TMEM233: variants seen among roughly 807,000 people sequenced by gnomAD.
TMEM233 encodes transmembrane protein 233.
A neutral mutation model predicts 11.2 loss-of-function variants in TMEM233; 6 were observed. That is an observed-to-expected ratio of 0.54 (90% CI 0.29 to 1.06). The LOEUF (loss-of-function observed/expected upper bound fraction) is 1.06, where lower values mean the gene tolerates loss of function less well. TMEM233 is among the 50% of genes least tolerant of loss of function. The pLI, the probability that TMEM233 is intolerant of heterozygous loss-of-function variation, is 0.08. For missense variants in TMEM233, 127 were observed against 144.7 expected, an observed-to-expected ratio of 0.88 and a Z score of 0.63; for synonymous variants, 59 against 55.8, an observed-to-expected ratio of 1.06 and a Z score of -0.26.
At chr12:119,597,731 G>A (rs10774503) in intron 1 of TMEM233, among the ~76,000 whole-genome samples, 51,954 of 152,004 alleles carry the variant, frequency 0.34, 9,440 homozygotes, top group African/African-American at 0.41. Flanking sequence ...AGTCCAACAT[G>A]TCATGTGGTA....
chr12:119,626,247 G>A (rs1376204322), intron 1 of TMEM233, among the ~76,000 whole-genome samples: 1 of 152,096 alleles, frequency 6.6e-6, no homozygotes, highest in Non-Finnish European at 1.5e-5. Flanking sequence ...CGAGGCAAGT[G>A]GATTGCTTGA....
intron 1 of TMEM233, among the ~76,000 whole-genome samples, chr12:119,603,960 A>G (rs1268290002): frequency 6.6e-6 from 1 of 152,220 alleles, no homozygotes; most frequent in African/African-American, 2.4e-5. Context: ...GCCAAGGGTC[A>G]CTGAGAGGTT....
At chr12:119,609,481 G>A (rs1016442931) in intron 1 of TMEM233, among the ~76,000 whole-genome samples, 1 of 152,212 alleles carries the variant, frequency 6.6e-6, no homozygotes, top group African/African-American at 2.4e-5. Context: ...AATGTCTCCA[G>A]GGCATATCAG....
Position 119,619,944 on chromosome 12 carries a change from G to A in TMEM233, c.187-9792G>A, listed in dbSNP as rs12319664. On this transcript the variant is annotated intron_variant, in intron 1 of 2. Coordinates refer to ENST00000426426, the MANE Select transcript of TMEM233 (RefSeq NM_001136534.3). Reference sequence around the variant, plus strand: ...ACAGCTCAGTAAGAAAACACAAACCGACAGAAAACTAGACAAAGGGTATGG... The same window carrying A: ...ACAGCTCAGTAAGAAAACACAAACCAACAGAAAACTAGACAAAGGGTATGG... Among the ~76,000 whole-genome samples the A allele has an allele frequency of 9.5e-3, 1,450 of 152,188 alleles. 31 individuals are homozygous for A. Among genetic ancestry groups the A allele is most frequent in the African/African-American group, 0.034 (1,391 of 41,508 alleles).
At chr12:119,609,262 CT>C (rs1483751819) in intron 1 of TMEM233, among the ~76,000 whole-genome samples, 7 of 152,130 alleles carry the variant, frequency 4.6e-5, no homozygotes, top group Non-Finnish European at 1.0e-4. Flanking sequence ...GAACTTTGAA[CT>C]TGAGAGAGAT....
At chr12:119,626,893 C>T (rs779186322) in intron 1 of TMEM233, among the ~76,000 whole-genome samples, 2 of 152,246 alleles carry the variant, frequency 1.3e-5, no homozygotes, top group Non-Finnish European at 2.9e-5. Flanking sequence ...ATGTGCCAGA[C>T]ACCACTCTAA....
the TMEM233 span, among the ~76,000 whole-genome samples, chr12:119,650,114 C>A: frequency 6.6e-6 from 1 of 150,448 alleles, no homozygotes; most frequent in African/African-American, 2.5e-5. Flanking sequence ...GCAGAGATGG[C>A]GCCACTGCAC....
intron 1 of TMEM233, among the ~76,000 whole-genome samples, chr12:119,607,850 C>T (rs1354656229): frequency 2.0e-5 from 3 of 152,002 alleles, no homozygotes; most frequent in Non-Finnish European, 2.9e-5. Flanking sequence ...CCTCTCAAAG[C>T]GCAGGGATTA....
Position 119,595,560 on chromosome 12 carries a change from A to G in TMEM233, c.186+1526A>G, listed in dbSNP as rs1954026834. The stretch of plus-strand genomic sequence containing the variant: ...AATTCTCCCACTTTCTAGCTGTGTG[A>G]TCTCTGAAGTCACTGCATCTCTGAA... On this transcript the variant is annotated intron_variant, in intron 1 of 2. Coordinates refer to ENST00000426426, the MANE Select transcript of TMEM233 (RefSeq NM_001136534.3). This position sits in a 1 kb window ranked among gnomAD's most constrained non-coding sequence, Gnocchi z 4.3. 6.6e-6 allele frequency among the ~76,000 whole-genome samples: 1 copy of G among 152,194 alleles called. No individual in the cohort carries two copies. The highest frequency in any genetic ancestry group is 2.4e-5 in the African/African-American group (1 of 41,422).
chr12:119,633,055 G>T (rs1467870069), intron 2 of TMEM233, among the ~76,000 whole-genome samples: 1 of 152,086 alleles, frequency 6.6e-6, no homozygotes, highest in Non-Finnish European at 1.5e-5. Context: ...TAAAAGGTAT[G>T]AGAAGGAGTT....
downstream of TMEM233, among the ~76,000 whole-genome samples, chr12:119,645,383 T>TA (rs1566118506): frequency 6.9e-6 from 1 of 145,456 alleles, no homozygotes; most frequent in Non-Finnish European, 1.5e-5. Context: ...AACCAATTCT[T>TA]AAAAAATACT....
intron 1 of TMEM233, among the ~76,000 whole-genome samples, chr12:119,597,799 A>G (rs1954077456): frequency 6.6e-6 from 1 of 152,188 alleles, no homozygotes; most frequent in South Asian, 2.1e-4. Context: ...TCCTCTATAT[A>G]TTGAAAGTCT....
At chr12:119,650,161 A>AAC in the TMEM233 span, among the ~76,000 whole-genome samples, 2 of 151,732 alleles carry the variant, frequency 1.3e-5, no homozygotes, top group Non-Finnish European at 2.9e-5. Context: ...CCATCTCAAA[A>AAC]AAAAAAAAAA....
intron 1 of TMEM233, among the ~76,000 whole-genome samples, chr12:119,607,425 T>C (rs1008390523): frequency 2.0e-5 from 3 of 152,154 alleles, no homozygotes; most frequent in African/African-American, 7.2e-5. Flanking sequence ...TGGGATAATA[T>C]ATGCAAAGTT....
chr12:119,598,555 C>T (rs529434578), intron 1 of TMEM233, among the ~76,000 whole-genome samples: 2 of 152,242 alleles, frequency 1.3e-5, no homozygotes, highest in Admixed American at 1.3e-4. Context: ...TTGAGTCTTT[C>T]CACCAAATAC....
chr12:119,648,102 T>A, the TMEM233 span, among the ~76,000 whole-genome samples: 2 of 152,082 alleles, frequency 1.3e-5, no homozygotes, highest in African/African-American at 2.4e-5. Context: ...TTCTTCCCCA[T>A]GCCCTAGGTC....
rs1264281351 is a variant in TMEM233 at position 119,615,184 on chromosome 12, A to AAAAAAAAAAC, written c.187-14543_187-14542insCAAAAAAAAA. 6.1e-4 allele frequency among the ~76,000 whole-genome samples: 87 copies of AAAAAAAAAAC among 143,472 alleles called. 1 individual carries two copies. Among genetic ancestry groups the AAAAAAAAAAC allele is most frequent in the African/African-American group, 2.4e-3 (85 of 36,082 alleles). The allele number at this position is 143,472 out of a possible 152,430, so 94.1% of individuals were successfully genotyped here. On this transcript the variant is annotated intron_variant, in intron 1 of 2. Transcript: ENST00000426426. The stretch of plus-strand genomic sequence containing the variant: ...TACCCGCTTTCTGCTAAAAAAAAAA[A>AAAAAAAAAAC]AAAAAAAAAAAAAAAAAAAAAACTG...
chr12:119,643,808 TCATCA>T (rs1955116294), downstream of TMEM233, among the ~76,000 whole-genome samples: 1 of 151,514 alleles, frequency 6.6e-6, no homozygotes, highest in Non-Finnish European at 1.5e-5. Context: ...AGAGACTCCT[TCATCA>T]GCCAGTTACA....
intron 2 of TMEM233, chr12:119,631,036 T>C (rs74649905): frequency 0.013 from 2,024 of 152,280 alleles, 19 homozygotes; most frequent in Non-Finnish European, 0.023. Context: ...CTAGACTCAA[T>C]AACACTTTCC....
Sources: allele counts gnomAD v4.1 joint callset (sites outside exome capture counted in the v4.1 genomes callset), GRCh38; gene constraint gnomAD v4.1.1; non-coding constraint Gnocchi (gnomAD v3.1); transcripts MANE v1.5; gene names NCBI Gene and HGNC (gene_info 2026-07-23, HGNC 2026-07-21).